The following SIPA1L1 variants were observed in gnomAD, a reference collection of about 807,000 sequenced individuals.
SIPA1L1 encodes the protein signal induced proliferation associated 1 like 1, also known as signal-induced proliferation-associated 1-like protein 1.
A neutral mutation model predicts 162.7 loss-of-function variants in SIPA1L1; 26 were observed. The ratio of observed to expected loss-of-function variants is 0.16; its 90% CI spans 0.12 to 0.22. The LOEUF (loss-of-function observed/expected upper bound fraction) is 0.22, where lower values mean the gene tolerates loss of function less well. Among genes scored for constraint, SIPA1L1 ranks in the 10% least tolerant of loss-of-function variants. The pLI is 1.00. For synonymous variants in SIPA1L1, 829 were observed against 837.4 expected, an observed-to-expected ratio of 0.99 and a Z score of 0.17; for missense variants, 1,874 against 2,241.0, an observed-to-expected ratio of 0.84 and a Z score of 3.31.
At chr14:71,485,747 G>A (rs1432329025) in intron 2 of SIPA1L1, among the ~76,000 whole-genome samples, 1 of 152,126 alleles carries the variant, frequency 6.6e-6, no homozygotes, top group East Asian at 1.9e-4. Flanking sequence ...CCAGTGTGTG[G>A]AAAAATTGTC....
chr14:71,343,976 A>G (rs987602752), intron 2 of SIPA1L1, among the ~76,000 whole-genome samples: 3 of 152,224 alleles, frequency 2.0e-5, no homozygotes, highest in Non-Finnish European at 4.4e-5. Flanking sequence ...AATATGCGAG[A>G]TGATTTTTAG....
intron 17 of SIPA1L1, among the ~76,000 whole-genome samples, chr14:71,723,443 A>G (rs2083931052): frequency 6.6e-6 from 1 of 152,256 alleles, no homozygotes; most frequent in Admixed American, 6.5e-5. Context: ...AGTGCAGACT[A>G]AGCCCTAGTG....
chr14:71,484,486 A>G (rs1022244971), intron 2 of SIPA1L1, among the ~76,000 whole-genome samples: 4 of 152,014 alleles, frequency 2.6e-5, no homozygotes, highest in African/African-American at 9.7e-5. Context: ...TTTTCCAACA[A>G]TGTTAGAAGG....
intron 16 of SIPA1L1, among the ~76,000 whole-genome samples, chr14:71,707,864 T>C (rs2082566799): frequency 6.6e-6 from 1 of 152,124 alleles, no homozygotes; most frequent in African/African-American, 2.4e-5. Flanking sequence ...TACCACCCCA[T>C]TTTATATACC....
At chr14:71,596,423 C>T (rs778805281) in intron 5 of SIPA1L1, among the ~76,000 whole-genome samples, 13 of 152,056 alleles carry the variant, frequency 8.5e-5, no homozygotes, top group Admixed American at 3.3e-4. Flanking sequence ...TTCTTGTGAC[C>T]GAACTGGTTG....
chr14:71,733,942 A>G, intron 21 of SIPA1L1, 130 bp downstream of exon 21: 1 of 970,122 alleles, frequency 1.0e-6, no homozygotes, highest in Non-Finnish European at 1.5e-6. Context: ...GTTACTGAGC[A>G]TTCAGTAGGG....
intron 21 of SIPA1L1, among the ~76,000 whole-genome samples, chr14:71,734,590 G>C (rs905331251): frequency 6.6e-6 from 1 of 151,956 alleles, no homozygotes. Context: ...TTTTAATTTT[G>C]GGGAGAAATG....
At chr14:71,623,716 A>T (rs1319333468) in intron 6 of SIPA1L1, among the ~76,000 whole-genome samples, 1 of 152,190 alleles carries the variant, frequency 6.6e-6, no homozygotes, top group African/African-American at 2.4e-5. Context: ...CCTAATTAGT[A>T]TGCATAGTGA....
At chr14:71,521,419 C>G (rs1343452168) in intron 3 of SIPA1L1, among the ~76,000 whole-genome samples, 1 of 152,096 alleles carries the variant, frequency 6.6e-6, no homozygotes, top group Non-Finnish European at 1.5e-5. Context: ...TTCAGCTGCT[C>G]CATGTCCCTG....
chr14:71,620,764 C>G (rs1176762599), intron 6 of SIPA1L1, among the ~76,000 whole-genome samples: 1 of 152,152 alleles, frequency 6.6e-6, no homozygotes, highest in African/African-American at 2.4e-5. Context: ...CAACTCTTAC[C>G]TTTCCCACCT....
intron 2 of SIPA1L1, among the ~76,000 whole-genome samples, chr14:71,410,457 G>A (rs549975428): frequency 1.2e-4 from 18 of 152,298 alleles, no homozygotes; most frequent in Non-Finnish European, 2.4e-4. Flanking sequence ...GCCCCTAAAC[G>A]TTTAGGGTTA....
rs146203576 is a variant in SIPA1L1 at position 71,616,074 on chromosome 14, T to C, written c.1499-2683T>C. On this transcript the variant is annotated intron_variant, in intron 5 of 23. Transcript: ENST00000381232. ...TGTCTGGAGAGGACATGTAGACCTC[T>C]GAGAGTCGTCAACATTGAGGTGGCA... Among the ~76,000 whole-genome samples, 10 of 152,292 alleles carry C rather than the reference T, an allele frequency of 6.6e-5. No homozygotes were observed. In the East Asian group the frequency reaches 1.9e-3, roughly 29 times the overall value.
chr14:71,350,324 C>G (rs537837330), intron 2 of SIPA1L1, among the ~76,000 whole-genome samples: 229 of 152,088 alleles, frequency 1.5e-3, no homozygotes, highest in Non-Finnish European at 2.5e-3. Context: ...AGGAGAATTG[C>G]TTGAACCCAG....
intron 2 of SIPA1L1, among the ~76,000 whole-genome samples, chr14:71,355,995 CTGAG>C (rs2037204083): frequency 6.6e-6 from 1 of 152,138 alleles, no homozygotes; most frequent in South Asian, 2.1e-4. Flanking sequence ...AGACTGTACT[CTGAG>C]TTTCTGGGAA....
chr14:71,579,911 G>A (rs566452179), intron 4 of SIPA1L1, among the ~76,000 whole-genome samples: 2 of 152,188 alleles, frequency 1.3e-5, no homozygotes, highest in African/African-American at 2.4e-5. Flanking sequence ...GCCCCTTCCC[G>A]TTTCCTACAT....
chr14:71,548,065 TAATTA>T (rs2055410928), intron 4 of SIPA1L1, among the ~76,000 whole-genome samples: 1 of 152,242 alleles, frequency 6.6e-6, no homozygotes, highest in South Asian at 2.1e-4. Context: ...TATTTTTAGA[TAATTA>T]AATTATAAAA....
intron 3 of SIPA1L1, among the ~76,000 whole-genome samples, chr14:71,513,913 G>A (rs1595854202): frequency 2.6e-5 from 4 of 152,280 alleles, no homozygotes; most frequent in Admixed American, 6.5e-5. Context: ...CGGTCATGAC[G>A]CAGAACTTCT....
intron 5 of SIPA1L1, among the ~76,000 whole-genome samples, chr14:71,618,075 G>C (rs1373467790): frequency 6.6e-6 from 1 of 152,200 alleles, no homozygotes; most frequent in African/African-American, 2.4e-5. Context: ...CTAAGGTTTG[G>C]GGCCTTAGGC....
rs183334239 is a variant in SIPA1L1, at chr14:71,356,326, T to C, written c.-465+35145T>C. 1.3e-3 allele frequency among the ~76,000 whole-genome samples: 196 copies of C among 152,054 alleles called. 3 individuals carry two copies. The highest frequency in any genetic ancestry group is 1.2e-4 in the Non-Finnish European group (8 of 67,982). On this transcript the variant is annotated intron_variant, in intron 2 of 23. Transcript: ENST00000381232. ...GGGCTCCATGAATAACAGATACTTA[T>C]TACAGTATCAATTTAAAATAATATA...
Sources: gnomAD v4.1 joint callset for allele counts (sites outside exome capture counted in the v4.1 genomes callset) on GRCh38, gnomAD v4.1.1 for gene constraint, MANE v1.5 for transcripts, NCBI Gene and HGNC (gene_info 2026-07-23, HGNC 2026-07-21) for gene names.